The following DIP2B variants were observed in gnomAD, a reference collection of about 807,000 sequenced individuals.
DIP2B encodes the protein DIP2 acetate--CoA ligase B (putative), also known as disco-interacting protein 2 homolog B.
In DIP2B, 76 loss-of-function variants were observed where a neutral mutation model predicts 198.0. The observed-to-expected ratio is 0.38, with a 90% CI of 0.32 to 0.46. The LOEUF is 0.46. Among genes scored for constraint, DIP2B ranks in the 20% least tolerant of loss-of-function variants. The probability of loss-of-function intolerance (pLI) is 0.99; values close to 1 mark genes in which losing one functional copy is unlikely to be tolerated. For missense variants in DIP2B, 1,559 were observed against 1,978.4 expected (o/e 0.79, Z 4.02); for synonymous variants, 701 against 739.1 (o/e 0.95, Z 0.84).
chr12:50,601,139 C>T (rs1428953742), intron 1 of DIP2B, among the ~76,000 whole-genome samples: 2 of 152,122 alleles, frequency 1.3e-5, no homozygotes, highest in Non-Finnish European at 2.9e-5. Context: ...CTAAGCTCCA[C>T]AAGGGGACCC....
At chr12:50,549,145 T>G (rs1958402833) in intron 1 of DIP2B, among the ~76,000 whole-genome samples, 2 of 146,792 alleles carry the variant, frequency 1.4e-5, no homozygotes. Context: ...TGAGCAAGAG[T>G]CAGGGACGAA....
In DIP2B at chr12:50,540,213, A is replaced by G. The variant is rs547339912; in HGVS notation, c.100+34973A>G. 3.7e-4 allele frequency among the ~76,000 whole-genome samples: 56 copies of G among 150,356 alleles called. 1 individual carries two copies. The highest frequency in any genetic ancestry group is 1.1e-3 in the African/African-American group (44 of 40,880). On this transcript the variant is annotated intron_variant, in intron 1 of 37. Transcript: ENST00000301180. ...ATCCTGCACCTCCCAGGTTTAAGCA[A>G]TTCTCTGCCTCAGCCTCCCGAGTAG...
chr12:50,596,279 G>A (rs1224707724), intron 1 of DIP2B, among the ~76,000 whole-genome samples: 1 of 152,084 alleles, frequency 6.6e-6, no homozygotes, highest in Non-Finnish European at 1.5e-5. Flanking sequence ...ATTGGGAGAG[G>A]GTCTTATGAC....
chr12:50,538,275 A>G (rs1355359600), intron 1 of DIP2B, among the ~76,000 whole-genome samples: 5 of 152,150 alleles, frequency 3.3e-5, no homozygotes, highest in Non-Finnish European at 7.3e-5. Context: ...GTGTGGGGAT[A>G]AAGGGAAAAG....
intron 5 of DIP2B, 51 bp from the exon 6 acceptor site, chr12:50,674,423 G>T (rs1938909104): frequency 1.2e-6 from 2 of 1,604,314 alleles, no homozygotes; most frequent in East Asian, 4.5e-5. Context: ...AGATTTGAAG[G>T]TTCTTAGTTT....
At position 50,640,733 on chromosome 12, in the gene DIP2B, C is replaced by T; in HGVS notation, c.182C>T (p.Ser61Leu). The T allele has an allele frequency of 6.2e-7, 1 of 1,613,374 alleles. No individual in the cohort carries two copies. Among genetic ancestry groups the T allele is most frequent in the South Asian group, 1.1e-5 (1 of 90,996 alleles). The change falls in exon 3 of 38, where the codon TCA becomes TTA. Residue 61 changes from serine to leucine, a missense_variant. Transcript: ENST00000301180. ...AAACTTCCTTTTTTAGAAACTGATT[C>T]AGCAGTACAGAAAGAACTTAGAAAC... ...PYSPQTQETD[S>L]AVQKELRNQT... is the part of the protein sequence containing the mutation.
At chr12:50,629,525 C>T (rs1440349957) in intron 2 of DIP2B, among the ~76,000 whole-genome samples, 1 of 152,180 alleles carries the variant, frequency 6.6e-6, no homozygotes, top group African/African-American at 2.4e-5. Context: ...TAGATTATTT[C>T]AGCCACACCT....
intron 3 of DIP2B, among the ~76,000 whole-genome samples, chr12:50,651,237 C>A (rs564562104): frequency 6.6e-6 from 1 of 152,240 alleles, no homozygotes; most frequent in East Asian, 1.9e-4. Flanking sequence ...TAACGCCCTA[C>A]CCAATATATG....
intron 18 of DIP2B, 87 bp downstream of exon 18, chr12:50,698,554 A>G: frequency 6.7e-7 from 1 of 1,492,846 alleles, no homozygotes; most frequent in Non-Finnish European, 9.0e-7. Context: ...ATCCCAAACG[A>G]GGAACCCTTA....
At chr12:50,679,155 C>A in intron 8 of DIP2B, 1 of 383,392 alleles carries the variant, frequency 2.6e-6, no homozygotes, top group Non-Finnish European at 4.8e-6. Flanking sequence ...TTTAGAAAAA[C>A]ATTTGGTATT....
Position 50,698,406 on chromosome 12 carries a change from C to T in DIP2B, c.2127C>T (p.Val709=). ...GATTGAGCTATGGGGTAATACGGGT[C>T]AATACTGAAGATAAAAATTCAGCAC... ...MNGLSYGVIR[V]NTEDKNSALT... is the part of the protein sequence containing the mutation. The change falls in exon 18 of 38, where the codon GTC becomes GTT. Residue 709 remains valine, a synonymous_variant. Coordinates refer to ENST00000301180, the MANE Select transcript of DIP2B (RefSeq NM_173602.3). The T allele has an allele frequency of 6.2e-7, 1 of 1,613,888 alleles. No homozygotes were observed. Among genetic ancestry groups the T allele is most frequent in the Non-Finnish European group, 8.5e-7 (1 of 1,179,908 alleles).
In DIP2B at chr12:50,747,963, C is replaced by A. The variant is rs1160692336; in HGVS notation, c.*3124C>A. The stretch of plus-strand genomic sequence containing the variant: ...CCTGCCTCATAAAGGGCCAGGTCTC[C>A]CCAGTACCAAGTCCTTTCCTCATGA... On this transcript the variant is annotated 3_prime_UTR_variant, in exon 38 of 38. Coordinates refer to ENST00000301180, the MANE Select transcript of DIP2B (RefSeq NM_173602.3). The A allele has an allele frequency of 6.6e-6, 1 of 152,642 alleles. No homozygotes were observed. The highest frequency in any genetic ancestry group is 1.5e-5 in the Non-Finnish European group (1 of 68,072). 9.5% of individuals were successfully genotyped at this position (152,642 alleles called of 1,614,324 possible). A position where few individuals can be genotyped will look rare whatever the true frequency, so the allele number is the denominator to read the frequency against.
At chr12:50,736,871 CA>C (rs1441720449) in intron 34 of DIP2B, among the ~76,000 whole-genome samples, 164 bp from the exon 35 acceptor site, 2 of 152,206 alleles carry the variant, frequency 1.3e-5, no homozygotes, top group Non-Finnish European at 2.9e-5. Flanking sequence ...GAGCAAGACA[CA>C]AGGTCTCTGC....
intron 3 of DIP2B, among the ~76,000 whole-genome samples, chr12:50,646,789 G>T (rs1938358578): frequency 6.6e-6 from 1 of 152,064 alleles, no homozygotes; most frequent in South Asian, 2.1e-4. Context: ...GGAGCTAAAT[G>T]CAGTACTAAC....
intron 2 of DIP2B, among the ~76,000 whole-genome samples, chr12:50,630,326 G>A (rs1487495779): frequency 2.6e-5 from 4 of 151,950 alleles, no homozygotes; most frequent in African/African-American, 9.7e-5. Flanking sequence ...TAAACCTTCT[G>A]CTTTATGTTG....
At chr12:50,692,903 T>G in intron 13 of DIP2B, 46 bp from the exon 14 acceptor site, 1 of 1,555,234 alleles carries the variant, frequency 6.4e-7, no homozygotes, top group Non-Finnish European at 8.8e-7. Context: ...TTTTGCTACT[T>G]AATACTAAAG....
intron 1 of DIP2B, among the ~76,000 whole-genome samples, chr12:50,569,694 CTG>C (rs1341573109): frequency 2.0e-5 from 3 of 152,132 alleles, no homozygotes; most frequent in Non-Finnish European, 2.9e-5. Context: ...TGAGATTCTG[CTG>C]TGTTTTACTA....
chr12:50,736,278 G>A (rs182006444), intron 34 of DIP2B, among the ~76,000 whole-genome samples: 6 of 152,292 alleles, frequency 3.9e-5, no homozygotes, highest in Non-Finnish European at 7.3e-5. Flanking sequence ...CACACCTCAC[G>A]AGCATTAGCC....
chr12:50,547,132 G>A (rs528754283), intron 1 of DIP2B, among the ~76,000 whole-genome samples: 52 of 152,046 alleles, frequency 3.4e-4, no homozygotes, highest in African/African-American at 1.1e-3. Context: ...AATGAATTTC[G>A]TTTTCTACTG....
Sources: gnomAD v4.1 joint callset for allele counts (sites outside exome capture counted in the v4.1 genomes callset) on GRCh38, gnomAD v4.1.1 for gene constraint, MANE v1.5 for transcripts, NCBI Gene and HGNC (gene_info 2026-07-23, HGNC 2026-07-21) for gene names.